The following MIPEP variants were observed in gnomAD, a reference collection of about 807,000 sequenced individuals.
MIPEP encodes mitochondrial intermediate peptidase.
A neutral mutation model predicts 90.3 loss-of-function variants in MIPEP; 79 were observed. The ratio of observed to expected loss-of-function variants is 0.87; its 90% CI spans 0.73 to 1.05. MIPEP has a LOEUF of 1.05. Ranked by LOEUF, MIPEP falls within the 50% of genes least tolerant of loss-of-function variation. MIPEP has a pLI of 0.00. For missense variants in MIPEP, 940 were observed against 905.6 expected, an observed-to-expected ratio of 1.04 and a Z score of -0.49; for synonymous variants, 334 against 315.8, an observed-to-expected ratio of 1.06 and a Z score of -0.61.
intron 18 of MIPEP, among the ~76,000 whole-genome samples, chr13:23,753,022 G>A (rs28396729): frequency 0.2 from 29,989 of 151,978 alleles, 3,567 homozygotes; most frequent in East Asian, 0.43. Flanking sequence ...GAGGTCAGGA[G>A]TTCGAGACCA....
intron 16 of MIPEP, among the ~76,000 whole-genome samples, chr13:23,767,703 C>T (rs759938453): frequency 4.6e-5 from 7 of 152,160 alleles, no homozygotes; most frequent in Non-Finnish European, 8.8e-5. Flanking sequence ...CTACCTGCCT[C>T]GGCTTCCCAA....
chr13:23,807,871 A>C (rs1953128332), intron 15 of MIPEP, among the ~76,000 whole-genome samples: 1 of 152,176 alleles, frequency 6.6e-6, no homozygotes, highest in South Asian at 2.1e-4. Context: ...AATTATAAAA[A>C]CAGAGCAAAA....
chr13:23,850,670 A>G (rs907213126), intron 10 of MIPEP, among the ~76,000 whole-genome samples: 2 of 152,226 alleles, frequency 1.3e-5, no homozygotes, highest in Admixed American at 6.5e-5. Context: ...CACCACACCA[A>G]TGTGCCACTA....
chr13:23,805,894 A>G (rs1259959342), intron 16 of MIPEP, 56 bp downstream of exon 16: 1 of 1,578,764 alleles, frequency 6.3e-7, no homozygotes, highest in Non-Finnish European at 8.6e-7. Context: ...CACAAGCTAC[A>G]GAAGTAATAG....
At chr13:23,880,030 G>A (rs1871214051) in intron 3 of MIPEP, among the ~76,000 whole-genome samples, 1 of 152,092 alleles carries the variant, frequency 6.6e-6, no homozygotes, top group Non-Finnish European at 1.5e-5. Flanking sequence ...TAAATAGTGA[G>A]CTGGGTCTAG....
chr13:23,870,309 TAATAA>T (rs1339300800), intron 5 of MIPEP, 114 bp from the exon 6 acceptor site: 27 of 497,426 alleles, frequency 5.4e-5, no homozygotes, highest in Non-Finnish European at 7.3e-5. Flanking sequence ...AATTATCACT[TAATAA>T]AATATTAGTT....
At chr13:23,770,530 G>A (rs541529004) in intron 16 of MIPEP, among the ~76,000 whole-genome samples, 53 of 152,196 alleles carry the variant, frequency 3.5e-4, no homozygotes, top group Middle Eastern at 3.4e-3. Context: ...CCTCAGCATC[G>A]AAGTCTGTGC....
intron 10 of MIPEP, among the ~76,000 whole-genome samples, chr13:23,853,561 G>A (rs1869901193): frequency 2.7e-5 from 4 of 148,590 alleles, no homozygotes; most frequent in Admixed American, 2.7e-4. Context: ...GCCTAACGAT[G>A]CTTTTTTTTT....
chr13:23,855,751 T>C (rs1870022232), intron 10 of MIPEP, among the ~76,000 whole-genome samples: 1 of 152,228 alleles, frequency 6.6e-6, no homozygotes, highest in Non-Finnish European at 1.5e-5. Context: ...CTGATGCATT[T>C]CTGCATCCCT....
rs1393997981 is a variant in MIPEP, at chr13:23,837,604, C to T, written c.1491G>A (p.Met497Ile). 3 of 1,613,986 alleles carry T rather than the reference C, an allele frequency of 1.9e-6. No homozygotes were observed. The African/African-American group carries it at 4.0e-5, about 22-fold the overall frequency. The change falls in exon 13 of 19, where the codon ATG (methionine) becomes ATA (isoleucine). Residue 497 changes from methionine (M) to isoleucine (I), a missense_variant. Transcript: ENST00000382172. ...PSMMENLFHE[M>I]GHAMHSMLGR... ...CTAGCATTGAATGCATGGCATGTCC[C>T]ATTTCATGGAAAAGATTTTCCATCA... is the stretch of plus-strand genomic sequence containing the variant.
At chr13:23,838,332 C>T (rs1869146608) in intron 12 of MIPEP, among the ~76,000 whole-genome samples, 1 of 151,798 alleles carries the variant, frequency 6.6e-6, no homozygotes, top group Admixed American at 6.6e-5. Context: ...TTTTTTTGTA[C>T]AGATGGAGTC....
At chr13:23,799,000 G>GTTTTTTTTTT (rs765292524) in intron 16 of MIPEP, among the ~76,000 whole-genome samples, 6 of 88,904 alleles carry the variant, frequency 6.7e-5, no homozygotes, top group East Asian at 3.5e-4. Flanking sequence ...AATTTTTTTG[G>GTTTTTTTTTT]TTTTTTTTTT....
chr13:23,765,152 T>C (rs1183301828), intron 16 of MIPEP, among the ~76,000 whole-genome samples: 2 of 152,146 alleles, frequency 1.3e-5, no homozygotes, highest in Non-Finnish European at 2.9e-5. Flanking sequence ...ACATGGCCAA[T>C]CACAGGACTT....
intron 11 of MIPEP, 126 bp from the exon 12 acceptor site, chr13:23,839,852 C>T: frequency 3.5e-6 from 2 of 576,274 alleles, no homozygotes; most frequent in Middle Eastern, 4.3e-4. Context: ...CATTCTACAC[C>T]CCACATTATC....
At chr13:23,854,388 C>T (rs1566018430) in intron 10 of MIPEP, among the ~76,000 whole-genome samples, 1 of 151,812 alleles carries the variant, frequency 6.6e-6, no homozygotes. Flanking sequence ...AAATTTAAAA[C>T]TACCAAGATC....
intron 16 of MIPEP, among the ~76,000 whole-genome samples, chr13:23,771,075 C>G (rs1002256153): frequency 3.9e-5 from 6 of 152,208 alleles, no homozygotes; most frequent in Admixed American, 3.9e-4. Context: ...GACAGTAAAT[C>G]CGGGATCACT....
At chr13:23,858,422 A>G (rs1007850135) in intron 10 of MIPEP, among the ~76,000 whole-genome samples, 4 of 150,946 alleles carry the variant, frequency 2.6e-5, no homozygotes, top group Admixed American at 1.3e-4. Context: ...ATGAGAAAAC[A>G]TAAGAGCGCC....
intron 14 of MIPEP, among the ~76,000 whole-genome samples, chr13:23,833,771 T>G (rs1181833799): frequency 3.3e-5 from 5 of 152,144 alleles, no homozygotes; most frequent in Non-Finnish European, 7.3e-5. Flanking sequence ...CTGGTCCTCT[T>G]GTGTAGTCAC....
At chr13:23,857,213 C>A (rs942942330) in intron 10 of MIPEP, among the ~76,000 whole-genome samples, 1 of 152,068 alleles carries the variant, frequency 6.6e-6, no homozygotes, top group African/African-American at 2.4e-5. Context: ...TCAAGTTCTG[C>A]AACCAGAAAA....
Sources: gnomAD v4.1 joint callset for allele counts (sites outside exome capture counted in the v4.1 genomes callset) on GRCh38, gnomAD v4.1.1 for gene constraint, MANE v1.5 for transcripts, NCBI Gene and HGNC (gene_info 2026-07-23, HGNC 2026-07-21) for gene names.